The following MYO7A variants were observed in gnomAD, a reference collection of about 807,000 sequenced individuals.
MYO7A encodes unconventional myosin-VIIa.
Under a neutral mutation model 263.8 loss-of-function variants are expected in MYO7A, and 210 were observed. That is an observed-to-expected ratio of 0.80 (90% CI 0.71 to 0.89). MYO7A has a LOEUF of 0.89. MYO7A is among the 40% of genes least tolerant of loss of function. The pLI, the probability that MYO7A is intolerant of heterozygous loss-of-function variation, is 0.00. For synonymous variants in MYO7A, 1,239 were observed against 1,197.3 expected (o/e 1.03, Z -0.72); for missense variants, 2,820 against 2,968.3 (o/e 0.95, Z 1.16).
chr11:77,181,366 C>T lies in MYO7A; in HGVS notation c.2695-14C>T. 1 of 1,548,822 alleles carries T rather than the reference C, an allele frequency of 6.5e-7. No individual in the cohort carries two copies. Among genetic ancestry groups the T allele is most frequent in the Non-Finnish European group, 8.7e-7 (1 of 1,148,372 alleles). ...GGCTGACCCCGTGTCTTCTGTGTCA[C>T]CCCAATTGCCCAGGAGCGCCTGGCC... On this transcript the variant is annotated splice_polypyrimidine_tract_variant and intron_variant, in intron 22 of 48. Coordinates refer to ENST00000409709, the MANE Select transcript of MYO7A (RefSeq NM_000260.4).
chr11:77,202,941 G>A lies in MYO7A; in HGVS notation c.5169-119G>A, dbSNP rs909459414. On this transcript the variant is annotated intron_variant, in intron 37 of 48. Coordinates refer to ENST00000409709, the MANE Select transcript of MYO7A (RefSeq NM_000260.4). ...GCAGGGCAGGGAAGAGCAGGGCCTG[G>A]TGCCCACTCTCAGCCTCTGGACACA... 7.8e-6 allele frequency: 10 copies of A among 1,276,244 alleles called. No individual in the cohort carries two copies. The African/African-American group carries it at 1.2e-4, about 15-fold the overall frequency. The allele number at this position is 1,276,244 out of a possible 1,614,324, so 79.1% of individuals were successfully genotyped here.
At chr11:77,158,539 C>T (rs1310347450) in intron 9 of MYO7A, 109 bp downstream of exon 9, 3 of 1,324,026 alleles carry the variant, frequency 2.3e-6, no homozygotes, top group Admixed American at 2.6e-5. Context: ...CACGTGCCCT[C>T]TTTGGGATGG....
intron 14 of MYO7A, among the ~76,000 whole-genome samples, chr11:77,163,682 T>G (rs139847689): frequency 1.7e-4 from 26 of 152,136 alleles, no homozygotes; most frequent in Middle Eastern, 3.4e-3. Flanking sequence ...ACTGTATTTG[T>G]CCTTTTGTGT....
chr11:77,155,035 C>T (rs1213981325), intron 4 of MYO7A, among the ~76,000 whole-genome samples: 2 of 152,174 alleles, frequency 1.3e-5, no homozygotes, highest in African/African-American at 4.8e-5. Flanking sequence ...CTCCAGGCCC[C>T]GGATATCAAT....
At position 77,156,940 on chromosome 11, in the gene MYO7A, G is replaced by T. The variant is rs781913730; in HGVS notation, c.671G>T (p.Arg224Leu). The T allele has an allele frequency of 1.2e-6, 2 of 1,613,974 alleles. No individual in the cohort carries two copies. The highest frequency in any genetic ancestry group is 3.3e-5 in the Admixed American group (2 of 60,020). The change falls in exon 7 of 49, where the codon CGG (arginine) becomes CTG (leucine). Residue 224 changes from arginine (R) to leucine (L), a missense_variant. Transcript: ENST00000409709. ...TACATCGACATCCACTTCAACAAGCGGGGCGCCATCGAGGGCGCGAAGATT... is the reference window on the plus strand; with the variant it reads ...TACATCGACATCCACTTCAACAAGCTGGGCGCCATCGAGGGCGCGAAGATT... ...GKYIDIHFNK[R>L]GAIEGAKIEQ...
At chr11:77,179,665 AAGCTCCTGC>A in intron 20 of MYO7A, 61 bp from the exon 21 acceptor site, 1 of 1,388,108 alleles carries the variant, frequency 7.2e-7, no homozygotes, top group Non-Finnish European at 9.7e-7. Context: ...GGTGCCATGG[AAGCTCCTGC>A]AGGCAGGGTC....
At chr11:77,150,660 A>G (rs1951897224) in intron 4 of MYO7A, among the ~76,000 whole-genome samples, 1 of 152,140 alleles carries the variant, frequency 6.6e-6, no homozygotes, top group African/African-American at 2.4e-5. Context: ...AGGTAGGTGA[A>G]TAAGCTGCCT....
intron 2 of MYO7A, among the ~76,000 whole-genome samples, chr11:77,137,372 C>T (rs551552218): frequency 1.3e-5 from 2 of 152,198 alleles, no homozygotes; most frequent in East Asian, 3.9e-4. Flanking sequence ...CACTCTCTGC[C>T]GTTGTTCATT....
rs1366672672 is a variant in MYO7A at position 77,179,872 on chromosome 11, C to T, written c.2505C>T (p.His835=). 23 of 1,540,982 alleles carry T rather than the reference C, an allele frequency of 1.5e-5. No individual in the cohort carries two copies. The highest frequency in any genetic ancestry group is 4.1e-5 in the African/African-American group (3 of 73,044). Residue 835 remains histidine, a synonymous_variant, in exon 21 of 49, where the codon CAC becomes CAT. Coordinates refer to ENST00000409709, the MANE Select transcript of MYO7A (RefSeq NM_000260.4). ...ATCTGGTGCGCAAGGCCTTCCGCCA[C>T]CGCCTCTGGGCTGTGCTCACCGTGC... ...RAYLVRKAFR[H]RLWAVLTVQA...
chr11:77,151,145 A>G (rs890440513), intron 4 of MYO7A, among the ~76,000 whole-genome samples: 1 of 152,216 alleles, frequency 6.6e-6, no homozygotes, highest in African/African-American at 2.4e-5. Context: ...GAATGAGGAA[A>G]GGCCCTCAGA....
At chr11:77,190,173 TGTGTGCGC>T (rs772981604) in intron 29 of MYO7A, 34 bp downstream of exon 29, 24 of 1,523,366 alleles carry the variant, frequency 1.6e-5, no homozygotes, top group Non-Finnish European at 2.1e-5. Context: ...CTCGTGTGCA[TGTGTGCGC>T]ACGTGTGTAA....
intron 20 of MYO7A, 27 bp downstream of exon 20, chr11:77,179,156 C>T (rs797031002): frequency 6.4e-7 from 1 of 1,563,430 alleles, no homozygotes; most frequent in Non-Finnish European, 8.7e-7. Context: ...GCTGCTCTTG[C>T]CCAAACAGGC....
intron 4 of MYO7A, among the ~76,000 whole-genome samples, chr11:77,149,930 C>CG (rs1951850410): frequency 6.6e-6 from 1 of 152,158 alleles, no homozygotes; most frequent in Non-Finnish European, 1.5e-5. Context: ...CACAGGGACC[C>CG]GCTGGTGTCC....
chr11:77,175,257 T>C (rs1954531903), intron 17 of MYO7A, 115 bp from the exon 18 acceptor site: 20 of 965,338 alleles, frequency 2.1e-5, no homozygotes, highest in Non-Finnish European at 2.8e-5. Context: ...GAGGTCACAC[T>C]TCGAGTCAGG....
At chr11:77,202,196 C>A in intron 36 of MYO7A, 104 bp from the exon 37 acceptor site, 1 of 1,401,574 alleles carries the variant, frequency 7.1e-7, no homozygotes. Context: ...GGTCCATACC[C>A]CTGAAGAGTC....
chr11:77,149,590 G>T (rs1239317801), intron 4 of MYO7A, among the ~76,000 whole-genome samples: 1 of 152,118 alleles, frequency 6.6e-6, no homozygotes, highest in Non-Finnish European at 1.5e-5. Context: ...CAGGGCCAGG[G>T]GTCCAGTCCC....
intron 40 of MYO7A, among the ~76,000 whole-genome samples, chr11:77,205,856 C>T (rs975078115): frequency 3.3e-5 from 5 of 152,158 alleles, no homozygotes; most frequent in Non-Finnish European, 5.9e-5. Flanking sequence ...GGCACAGACA[C>T]CTGGGCCCAC....
chr11:77,130,930 C>T (rs1467018873), intron 2 of MYO7A, among the ~76,000 whole-genome samples: 1 of 152,330 alleles, frequency 6.6e-6, no homozygotes, highest in East Asian at 1.9e-4. Flanking sequence ...TGTGCAAAGG[C>T]CCAGGTGTGG....
At chr11:77,173,833 C>T (rs1467469935) in intron 16 of MYO7A, among the ~76,000 whole-genome samples, 2 of 152,060 alleles carry the variant, frequency 1.3e-5, no homozygotes, top group South Asian at 4.2e-4. Context: ...TCTGCAGGGG[C>T]CTGAGGGTCG....
Sources: allele counts gnomAD v4.1 joint callset (sites outside exome capture counted in the v4.1 genomes callset), GRCh38; gene constraint gnomAD v4.1.1; transcripts MANE v1.5; gene names NCBI Gene and HGNC (gene_info 2026-07-23, HGNC 2026-07-21).